Variants in MTREX observed in about 807,000 individuals in gnomAD.
MTREX encodes Mtr4 exosome RNA helicase, also known as exosome RNA helicase MTR4.
A neutral mutation model predicts 135.4 loss-of-function variants in MTREX; 76 were observed. That is an observed-to-expected ratio of 0.56 (90% CI 0.47 to 0.68). The LOEUF (loss-of-function observed/expected upper bound fraction) is 0.68. Among genes scored for constraint, MTREX ranks in the 30% least tolerant of loss-of-function variants. The probability of loss-of-function intolerance (pLI) is 0.00; values close to 1 mark genes in which losing one functional copy is unlikely to be tolerated. For missense variants in MTREX, 920 were observed against 1,262.1 expected (o/e 0.73, Z 4.11); for synonymous variants, 404 against 401.6 (o/e 1.01, Z -0.07).
intron 22 of MTREX, among the ~76,000 whole-genome samples, chr5:55,409,147 T>G (rs967570966): frequency 1.3e-5 from 2 of 151,906 alleles, no homozygotes; most frequent in Non-Finnish European, 2.9e-5. Flanking sequence ...GAGACAGGGT[T>G]TTGCCATGTT....
intron 4 of MTREX, 40 bp downstream of exon 4, chr5:55,327,818 G>A: frequency 5.7e-6 from 8 of 1,393,846 alleles, no homozygotes; most frequent in Non-Finnish European, 8.0e-6. Context: ...AGTTTCGTGA[G>A]ACTCTCTTTT....
At chr5:55,341,823 A>G in intron 7 of MTREX, 52 bp downstream of exon 7, 2 of 893,058 alleles carry the variant, frequency 2.2e-6, no homozygotes, top group South Asian at 1.7e-5. Context: ...GAATGACATT[A>G]GGAATTTTGA....
intron 21 of MTREX, among the ~76,000 whole-genome samples, chr5:55,400,808 C>T (rs1750712851): frequency 6.6e-6 from 1 of 152,170 alleles, no homozygotes; most frequent in Non-Finnish European, 1.5e-5. Flanking sequence ...TACCCATTAG[C>T]AGCCACTCTC....
intron 14 of MTREX, chr5:55,357,514 C>A: frequency 6.4e-6 from 1 of 155,614 alleles, no homozygotes; most frequent in South Asian, 1.9e-4. Context: ...CCTTGCTTTT[C>A]CCTCAGCCCA....
chr5:55,373,016 TTAGGCCTTAGAAA>T (rs1029944287), intron 16 of MTREX, among the ~76,000 whole-genome samples: 24 of 151,526 alleles, frequency 1.6e-4, no homozygotes, highest in African/African-American at 3.6e-4. Flanking sequence ...TTGGGGCACT[TTAGGCCTTAGAAA>T]TAGGCCTTAG....
rs1319474210 is a variant in MTREX at position 55,344,632 on chromosome 5, A to G, written c.1005+12A>G. 1 of 1,493,186 alleles carries G rather than the reference A, an allele frequency of 6.7e-7. No individual in the cohort carries two copies. Among genetic ancestry groups the G allele is most frequent in the Admixed American group, 1.8e-5 (1 of 56,360 alleles). 92.5% of individuals were successfully genotyped at this position (1,493,186 alleles called of 1,614,324 possible). A position where few individuals can be genotyped will look rare whatever the true frequency, so the allele number is the denominator to read the frequency against. On this transcript the variant is annotated intron_variant, in intron 9 of 26. Coordinates refer to ENST00000230640, the MANE Select transcript of MTREX (RefSeq NM_015360.5). ...TGGTTGATGAAAATGTAAGAGAGTA[A>G]TTGTCCTTTTTAAATCTATAATGTC... is the stretch of plus-strand genomic sequence containing the variant.
chr5:55,341,093 G>A (rs533203724), intron 6 of MTREX, among the ~76,000 whole-genome samples: 5 of 152,284 alleles, frequency 3.3e-5, no homozygotes, highest in African/African-American at 1.2e-4. Context: ...TGGAGAACCA[G>A]CCAAAAGCAT....
intron 11 of MTREX, among the ~76,000 whole-genome samples, chr5:55,349,276 TCCTGGG>T (rs1217300419): frequency 6.7e-6 from 1 of 150,000 alleles, no homozygotes; most frequent in Admixed American, 6.7e-5. Context: ...AGCCTCAGCC[TCCTGGG>T]CTCAGGTAGT....
chr5:55,407,395 T>C (rs1419108979), intron 22 of MTREX, among the ~76,000 whole-genome samples: 2 of 152,240 alleles, frequency 1.3e-5, no homozygotes, highest in Non-Finnish European at 2.9e-5. Context: ...GCTAATGTTA[T>C]TGGGATTATT....
chr5:55,384,317 G>A (rs12652515), intron 18 of MTREX, among the ~76,000 whole-genome samples: 21,348 of 151,926 alleles, frequency 0.14, 1,889 homozygotes, highest in East Asian at 0.26. Flanking sequence ...TCCTCACTTC[G>A]GTAAATAGAC....
chr5:55,308,985 A>AGGT (rs1749046252), intron 1 of MTREX, among the ~76,000 whole-genome samples: 2 of 150,250 alleles, frequency 1.3e-5, no homozygotes, highest in Non-Finnish European at 3.0e-5. Flanking sequence ...TACCCATTAA[A>AGGT]GAGTTACAGT....
In MTREX at chr5:55,400,307, G is replaced by A; in HGVS notation, c.2367G>A (p.Gly789=). The change falls in exon 21 of 27, where the codon GGG becomes GGA. Residue 789 remains glycine, a synonymous_variant. Transcript: ENST00000230640. ...ATGATATGGGCATTCAAGATCAAGG[G>A]CTGAAAAAAGTCATTCAGAAAGTAG... ...PIDDMGIQDQ[G]LKKVIQKVEA... The A allele has an allele frequency of 6.2e-7, 1 of 1,613,062 alleles. No homozygotes were observed. Among genetic ancestry groups the A allele is most frequent in the Admixed American group, 1.7e-5 (1 of 59,964 alleles).
intron 1 of MTREX, 121 bp from the exon 2 acceptor site, chr5:55,322,206 T>C (rs1749300215): frequency 1.3e-6 from 1 of 759,074 alleles, no homozygotes; most frequent in South Asian, 4.0e-5. Context: ...AGTTGTTGTT[T>C]GTAACATTCA....
At chr5:55,322,740 T>C (rs1199368011) in intron 2 of MTREX, among the ~76,000 whole-genome samples, 1 of 152,232 alleles carries the variant, frequency 6.6e-6, no homozygotes, top group East Asian at 1.9e-4. Context: ...TTTTCTTTAT[T>C]TGTAATGCCT....
At chr5:55,316,054 T>G (rs1247520995) in intron 1 of MTREX, among the ~76,000 whole-genome samples, 2 of 152,140 alleles carry the variant, frequency 1.3e-5, no homozygotes, top group Non-Finnish European at 2.9e-5. Context: ...GATAAATTCT[T>G]GGACACATAC....
intron 15 of MTREX, among the ~76,000 whole-genome samples, chr5:55,362,253 A>T (rs1448554720): frequency 6.6e-6 from 1 of 151,852 alleles, no homozygotes; most frequent in African/African-American, 2.4e-5. Context: ...TTTTTAAAGG[A>T]GCAATAGAGA....
chr5:55,310,585 G>A (rs2112014955), intron 1 of MTREX, among the ~76,000 whole-genome samples: 1 of 152,062 alleles, frequency 6.6e-6, no homozygotes, highest in East Asian at 1.9e-4. Flanking sequence ...TCCAGCCTGG[G>A]CGACAGAGCT....
At position 55,400,258 on chromosome 5, in the gene MTREX, G is replaced by A; in HGVS notation, c.2318G>A (p.Gly773Asp). The A allele has an allele frequency of 6.4e-7, 1 of 1,573,450 alleles. No individual in the cohort carries two copies. Among genetic ancestry groups the A allele is most frequent in the Non-Finnish European group, 8.6e-7 (1 of 1,161,664 alleles). Residue 773 changes from glycine (G) to aspartate (D), a missense_variant, in exon 21 of 27, where the codon GGC becomes GAC. Around this residue, in one of 6 missense-constraint regions of MTREX, gnomAD observed 467 missense variants for 589.7 expected, o/e 0.79. Coordinates refer to ENST00000230640, the MANE Select transcript of MTREX (RefSeq NM_015360.5). ...GAAGTTCAGAAACGTTTTCCTGACG[G>A]CATCCCCTTATTAGACCCTATTGAT... is the stretch of plus-strand genomic sequence containing the variant. ...IQEVQKRFPD[G>D]IPLLDPIDDM...
intron 16 of MTREX, among the ~76,000 whole-genome samples, chr5:55,374,604 G>A (rs1202662582): frequency 1.3e-5 from 2 of 152,142 alleles, no homozygotes; most frequent in East Asian, 3.9e-4. Flanking sequence ...AAACACTTGT[G>A]TTTCTTAAAA....
Sources: allele counts gnomAD v4.1 joint callset (sites outside exome capture counted in the v4.1 genomes callset), GRCh38; gene constraint gnomAD v4.1.1; regional missense constraint gnomAD v4.1.1; transcripts MANE v1.5; gene names NCBI Gene and HGNC (gene_info 2026-07-23, HGNC 2026-07-21).